The following ARHGAP15 variants were observed in gnomAD, a reference collection of about 807,000 sequenced individuals.
ARHGAP15 encodes rho GTPase-activating protein 15.
A neutral mutation model predicts 63.7 loss-of-function variants in ARHGAP15; 51 were observed. The observed-to-expected ratio is 0.80, with a 90% CI of 0.64 to 1.01. The LOEUF is 1.01. Among genes scored for constraint, ARHGAP15 ranks in the 50% least tolerant of loss-of-function variants. The pLI, the probability that ARHGAP15 is intolerant of heterozygous loss-of-function variation, is 0.00. For missense variants in ARHGAP15, 560 were observed against 564.6 expected (o/e 0.99, Z 0.08); for synonymous variants, 191 against 193.8 (o/e 0.99, Z 0.12).
At chr2:143,379,213 A>T (rs1377540118) in intron 6 of ARHGAP15, among the ~76,000 whole-genome samples, 1 of 151,982 alleles carries the variant, frequency 6.6e-6, no homozygotes, top group Admixed American at 6.6e-5. Flanking sequence ...TTGAGAACTC[A>T]GTCTGTGCAC....
chr2:143,713,675 T>C (rs926339707), intron 13 of ARHGAP15, among the ~76,000 whole-genome samples: 1 of 149,742 alleles, frequency 6.7e-6, no homozygotes, highest in Non-Finnish European at 1.5e-5. Context: ...GTACAGGTAT[T>C]GAGTAAATAG....
chr2:143,308,354 T>C (rs1244853790), intron 6 of ARHGAP15, among the ~76,000 whole-genome samples: 2 of 152,048 alleles, frequency 1.3e-5, no homozygotes, highest in African/African-American at 4.8e-5. Flanking sequence ...AGAACCACCA[T>C]GGGATTCTTG....
In ARHGAP15 at chr2:143,266,654, CAG is replaced by C. The variant is rs142762850; in HGVS notation, c.474+16060_474+16061del. Among the ~76,000 whole-genome samples, 1,014 of 152,190 alleles carry C rather than the reference CAG, an allele frequency of 6.7e-3. 14 individuals are homozygous for C. Among genetic ancestry groups the C allele is most frequent in the African/African-American group, 0.023 (953 of 41,528 alleles). ...TAATGACTCCAATCTGATTTAGAGACAGAGAGATAGAGTTCTCCTTAAATTAT... is the reference window on the plus strand; with the variant it reads ...TAATGACTCCAATCTGATTTAGAGACAGAGATAGAGTTCTCCTTAAATTAT... On this transcript the variant is annotated intron_variant, in intron 6 of 13. Transcript: ENST00000295095.
At chr2:143,322,813 T>C (rs1164333791) in intron 6 of ARHGAP15, among the ~76,000 whole-genome samples, 1 of 152,242 alleles carries the variant, frequency 6.6e-6, no homozygotes, top group African/African-American at 2.4e-5. Context: ...GAAATGTTTG[T>C]CCTGATAACT....
intron 4 of ARHGAP15, among the ~76,000 whole-genome samples, chr2:143,225,593 G>A (rs1419471362): frequency 1.3e-5 from 2 of 151,892 alleles, no homozygotes; most frequent in African/African-American, 2.4e-5. Context: ...GCGACAGAGC[G>A]AGACTCCGTC....
chr2:143,370,454 T>C (rs1331979319), intron 6 of ARHGAP15, among the ~76,000 whole-genome samples: 1 of 152,146 alleles, frequency 6.6e-6, no homozygotes, highest in Non-Finnish European at 1.5e-5. Context: ...CATATGTAAC[T>C]AACCTGCACA....
intron 13 of ARHGAP15, among the ~76,000 whole-genome samples, chr2:143,726,124 G>T (rs1383976867): frequency 6.6e-6 from 1 of 152,130 alleles, no homozygotes; most frequent in Non-Finnish European, 1.5e-5. Context: ...TTCGCATTGT[G>T]GTCAAGTGCA....
intron 13 of ARHGAP15, among the ~76,000 whole-genome samples, chr2:143,726,027 T>C (rs1164893688): frequency 2.0e-5 from 3 of 152,212 alleles, no homozygotes; most frequent in Non-Finnish European, 4.4e-5. Context: ...AACCTACCCA[T>C]ATAAATCAAT....
chr2:143,436,818 A>T, intron 7 of ARHGAP15, 95 bp from the exon 8 acceptor site: 1 of 1,337,916 alleles, frequency 7.5e-7, no homozygotes, highest in Non-Finnish European at 1.0e-6. Flanking sequence ...CCTTACTTCA[A>T]ATTTCCCCAT....
chr2:143,519,007 A>G (rs1004953862), intron 9 of ARHGAP15: 1 of 268,556 alleles, frequency 3.7e-6, no homozygotes. Context: ...TAAGGCCCAG[A>G]GAGACTATAA....
At chr2:143,665,118 A>G (rs1350837281) in intron 12 of ARHGAP15, among the ~76,000 whole-genome samples, 7 of 151,588 alleles carry the variant, frequency 4.6e-5, no homozygotes, top group Non-Finnish European at 1.0e-4. Flanking sequence ...CAACCAAAAA[A>G]GAGAATTTTA....
chr2:143,280,838 A>G (rs1436567779), intron 6 of ARHGAP15, among the ~76,000 whole-genome samples: 1 of 152,142 alleles, frequency 6.6e-6, no homozygotes, highest in Non-Finnish European at 1.5e-5. Flanking sequence ...CACCAATTAA[A>G]TAAAGTGAAA....
intron 10 of ARHGAP15, among the ~76,000 whole-genome samples, chr2:143,530,462 G>A (rs761208946): frequency 5.9e-5 from 9 of 152,088 alleles, no homozygotes; most frequent in Non-Finnish European, 8.8e-5. Flanking sequence ...TGAGGGATTC[G>A]ACTAACTAAA....
At chr2:143,307,300 T>C (rs180739173) in intron 6 of ARHGAP15, among the ~76,000 whole-genome samples, 32 of 152,252 alleles carry the variant, frequency 2.1e-4, no homozygotes, top group African/African-American at 7.7e-4. Flanking sequence ...ACAGGAGTGA[T>C]ATCCCTCATA....
chr2:143,433,436 A>T (rs924207343), intron 6 of ARHGAP15, among the ~76,000 whole-genome samples: 17 of 152,130 alleles, frequency 1.1e-4, no homozygotes, highest in Admixed American at 9.2e-4. Flanking sequence ...AATGAATTGC[A>T]TTCATATAGC....
chr2:143,467,873 A>G (rs1359885501), intron 8 of ARHGAP15, among the ~76,000 whole-genome samples: 1 of 152,166 alleles, frequency 6.6e-6, no homozygotes, highest in African/African-American at 2.4e-5. Flanking sequence ...TATTTGTACT[A>G]TATAATCATT....
intron 11 of ARHGAP15, among the ~76,000 whole-genome samples, chr2:143,594,675 G>C (rs910356356): frequency 6.6e-6 from 1 of 152,006 alleles, no homozygotes; most frequent in African/African-American, 2.4e-5. Flanking sequence ...GAAAAATAGG[G>C]GAAAAATTAT....
intron 10 of ARHGAP15, among the ~76,000 whole-genome samples, chr2:143,543,842 A>C (rs1290141709): frequency 6.6e-6 from 1 of 152,158 alleles, no homozygotes; most frequent in Non-Finnish European, 1.5e-5. Flanking sequence ...AAGTGTTTTG[A>C]GTAACCAGAG....
At chr2:143,417,284 T>A (rs1443293939) in intron 6 of ARHGAP15, among the ~76,000 whole-genome samples, 1 of 152,164 alleles carries the variant, frequency 6.6e-6, no homozygotes, top group Non-Finnish European at 1.5e-5. Flanking sequence ...TGATCACACC[T>A]GTGCATTATG....
Sources: allele counts gnomAD v4.1 joint callset (sites outside exome capture counted in the v4.1 genomes callset), GRCh38; gene constraint gnomAD v4.1.1; transcripts MANE v1.5; gene names NCBI Gene and HGNC (gene_info 2026-07-23, HGNC 2026-07-21).